Variants in TMEM132D observed in about 807,000 individuals in gnomAD.
TMEM132D encodes the protein mature OL transmembrane protein.
Under a neutral mutation model 62.3 loss-of-function variants are expected in TMEM132D, and 21 were observed. The observed-to-expected ratio is 0.34, with a 90% CI of 0.24 to 0.49. TMEM132D has a LOEUF of 0.49. Among genes scored for constraint, TMEM132D ranks in the 20% least tolerant of loss-of-function variants. TMEM132D has a pLI of 0.99. For synonymous variants in TMEM132D, 621 were observed against 575.6 expected, an observed-to-expected ratio of 1.08 and a Z score of -1.13; for missense variants, 1,346 against 1,402.8, an observed-to-expected ratio of 0.96 and a Z score of 0.65.
chr12:129,180,190 C>T (rs1878025073), intron 5 of TMEM132D, among the ~76,000 whole-genome samples: 1 of 150,672 alleles, frequency 6.6e-6, no homozygotes, highest in African/African-American at 2.4e-5. Context: ...CCAGTGCATT[C>T]GTAAGCAGCA....
intron 1 of TMEM132D, among the ~76,000 whole-genome samples, chr12:129,895,963 C>CTTT (rs957389211): frequency 4.5e-4 from 44 of 97,848 alleles, no homozygotes; most frequent in African/African-American, 7.6e-4. Flanking sequence ...CTCTGTCTCT[C>CTTT]TTTTTTTTTT....
At chr12:129,540,784 C>A (rs145622484) in intron 2 of TMEM132D, among the ~76,000 whole-genome samples, 49 of 152,318 alleles carry the variant, frequency 3.2e-4, no homozygotes, top group African/African-American at 1.1e-3. Context: ...GCCACCATGC[C>A]AGCCTCATTC....
intron 2 of TMEM132D, among the ~76,000 whole-genome samples, chr12:129,697,668 T>A (rs1301730223): frequency 2.0e-5 from 3 of 152,226 alleles, no homozygotes; most frequent in African/African-American, 7.2e-5. Context: ...TTTTCCAAAC[T>A]TTGACCTGTG....
In TMEM132D at chr12:129,734,676, A is replaced by AAT. The variant is rs200231429; in HGVS notation, c.80-33979_80-33978insAT. On this transcript the variant is annotated intron_variant, in intron 1 of 8. Transcript: ENST00000422113. ...ACTTATGTATATTAACAAAAATGGA[A>AAT]AGTTTGTTTAATTAATTTAAAAAAT... is the stretch of plus-strand genomic sequence containing the variant. 8.3e-3 allele frequency among the ~76,000 whole-genome samples: 1,260 copies of AAT among 152,312 alleles called. 14 individuals are homozygous for AAT. The highest frequency in any genetic ancestry group is 0.029 in the African/African-American group (1,217 of 41,564).
At chr12:129,129,216 C>T (rs1876300190) in intron 5 of TMEM132D, among the ~76,000 whole-genome samples, 1 of 151,736 alleles carries the variant, frequency 6.6e-6, no homozygotes, top group African/African-American at 2.4e-5. Flanking sequence ...TGTTTAGCTC[C>T]CCCTTATAAG....
At chr12:129,823,069 T>A (rs1872578027) in intron 1 of TMEM132D, among the ~76,000 whole-genome samples, 1 of 152,154 alleles carries the variant, frequency 6.6e-6, no homozygotes, top group Non-Finnish European at 1.5e-5. Flanking sequence ...GAGATCTGGT[T>A]GTTTAAAAGT....
At chr12:129,787,579 G>C (rs138670140) in intron 1 of TMEM132D, among the ~76,000 whole-genome samples, 49 of 152,274 alleles carry the variant, frequency 3.2e-4, no homozygotes, top group Non-Finnish European at 6.5e-4. Flanking sequence ...CAAAACCTCA[G>C]TCCTATCCAT....
chr12:129,361,175 A>C (rs1219113598), intron 3 of TMEM132D, among the ~76,000 whole-genome samples: 1 of 152,246 alleles, frequency 6.6e-6, no homozygotes, highest in Non-Finnish European at 1.5e-5. Flanking sequence ...AGAGCAGCTA[A>C]GAAATTCAAA....
intron 2 of TMEM132D, among the ~76,000 whole-genome samples, chr12:129,573,986 G>C (rs1371040202): frequency 6.6e-6 from 1 of 151,886 alleles, no homozygotes; most frequent in African/African-American, 2.4e-5. Flanking sequence ...ACTCTATGGG[G>C]CCCGGGTGAT....
intron 4 of TMEM132D, among the ~76,000 whole-genome samples, chr12:129,288,613 CA>C (rs1355873262): frequency 6.6e-6 from 1 of 152,164 alleles, no homozygotes; most frequent in African/African-American, 2.4e-5. Context: ...CAAGCGTTGA[CA>C]AGCATGTGGA....
At chr12:129,760,467 G>GACTACAGGCCCCCGCCTCC (rs1170916504) in intron 1 of TMEM132D, among the ~76,000 whole-genome samples, 5 of 151,324 alleles carry the variant, frequency 3.3e-5, no homozygotes, top group Non-Finnish European at 2.9e-5. Flanking sequence ...GAGTAGCTGG[G>GACTACAGGCCCCCGCCTCC]ACTACAGGCC....
rs753367278 is a variant in TMEM132D at position 129,700,497 on chromosome 12, T to A, written c.281A>T (p.Asn94Ile). The A allele has an allele frequency of 6.2e-7, 1 of 1,614,154 alleles. No homozygotes were observed. The highest frequency in any genetic ancestry group is 1.1e-5 in the South Asian group (1 of 91,074). Residue 94 changes from asparagine (N) to isoleucine (I), a missense_variant, in exon 2 of 9, where the codon AAT becomes ATT. Coordinates refer to ENST00000422113, the MANE Select transcript of TMEM132D (RefSeq NM_133448.3). ...GATGGAGAAAGGCCCGTAGCTGGCA[T>A]TGAGGACAGGCAGCCTCCTGGATTT... ...IYKSRRLPVL[N>I]ASYGPFSIEQ...
At chr12:129,159,776 AAG>A (rs1491061353) in intron 5 of TMEM132D, among the ~76,000 whole-genome samples, 6,129 of 40,606 alleles carry the variant, frequency 0.15, 323 homozygotes, top group African/African-American at 0.2. Context: ...AAAAAAAAAA[AAG>A]AAAGAAAATT....
At chr12:129,351,938 A>G (rs1041615726) in intron 3 of TMEM132D, among the ~76,000 whole-genome samples, 2 of 152,160 alleles carry the variant, frequency 1.3e-5, no homozygotes, top group African/African-American at 4.8e-5. Flanking sequence ...CAGGAATATC[A>G]TCACTCCTAT....
chr12:129,123,382 GT>G (rs1876120608), intron 5 of TMEM132D, among the ~76,000 whole-genome samples: 1 of 151,790 alleles, frequency 6.6e-6, no homozygotes, highest in South Asian at 2.1e-4. Context: ...ATAATTTTGT[GT>G]TTATTTTCTT....
At chr12:129,175,824 T>C (rs1277448024) in intron 5 of TMEM132D, among the ~76,000 whole-genome samples, 2 of 152,220 alleles carry the variant, frequency 1.3e-5, no homozygotes, top group East Asian at 3.8e-4. Context: ...TCAGAGTTAG[T>C]GTCCTTAGTT....
intron 3 of TMEM132D, among the ~76,000 whole-genome samples, chr12:129,446,614 C>G (rs1466646922): frequency 6.6e-6 from 1 of 152,198 alleles, no homozygotes; most frequent in Non-Finnish European, 1.5e-5. Context: ...AGATCTCAGT[C>G]CTCCCTACCT....
rs1019536353 is a variant in TMEM132D, at chr12:129,685,350, C to G, written c.968+14460G>C. Among the ~76,000 whole-genome samples, 6 of 152,344 alleles carry G rather than the reference C, an allele frequency of 3.9e-5. 1 individual carries two copies. Among genetic ancestry groups the G allele is most frequent in the African/African-American group, 9.6e-5 (4 of 41,580 alleles). On this transcript the variant is annotated intron_variant, in intron 2 of 8. Transcript: ENST00000422113. ...ATTGGTACACTGCATTCCAGCCACT[C>G]TAGCCAGGGCTAAAAGGGGCCAAGG... is the stretch of plus-strand genomic sequence containing the variant.
chr12:129,712,948 TG>T (rs1868430324), intron 1 of TMEM132D, among the ~76,000 whole-genome samples: 1 of 152,174 alleles, frequency 6.6e-6, no homozygotes, highest in Admixed American at 6.5e-5. Context: ...AGTGCCATCA[TG>T]GGAGCCTGGA....
Sources: gnomAD v4.1 joint callset for allele counts (sites outside exome capture counted in the v4.1 genomes callset) on GRCh38, gnomAD v4.1.1 for gene constraint, MANE v1.5 for transcripts, NCBI Gene and HGNC (gene_info 2026-07-23, HGNC 2026-07-21) for gene names.